Variants in NMNAT2 observed in about 807,000 individuals in gnomAD.
NMNAT2 encodes the protein nicotinamide/nicotinic acid mononucleotide adenylyltransferase 2.
A neutral mutation model predicts 41.6 loss-of-function variants in NMNAT2; 11 were observed. The observed-to-expected ratio is 0.26, with a 90% confidence interval of 0.17 to 0.44. The LOEUF is 0.44. Among genes scored for constraint, NMNAT2 ranks in the 20% least tolerant of loss-of-function variants. The probability of loss-of-function intolerance (pLI) is 1.00; values close to 1 mark genes in which losing one functional copy is unlikely to be tolerated. For synonymous variants in NMNAT2, 148 were observed against 151.2 expected (o/e 0.98, Z 0.16); for missense variants, 288 against 407.7 (o/e 0.71, Z 2.53).
intron 1 of NMNAT2, among the ~76,000 whole-genome samples, chr1:183,340,868 G>T (rs986203291): frequency 1.3e-5 from 2 of 152,140 alleles, no homozygotes; most frequent in Non-Finnish European, 1.5e-5. Flanking sequence ...CTAACAACCT[G>T]GATTTATACG....
At chr1:183,357,030 A>C (rs1663207015) in intron 1 of NMNAT2, among the ~76,000 whole-genome samples, 2 of 152,158 alleles carry the variant, frequency 1.3e-5, no homozygotes, top group Admixed American at 1.3e-4. Context: ...ATAATATAAA[A>C]ATGAATAAGA....
chr1:183,262,349 A>C (rs963972435), intron 8 of NMNAT2, among the ~76,000 whole-genome samples: 1 of 151,942 alleles, frequency 6.6e-6, no homozygotes, highest in Non-Finnish European at 1.5e-5. Context: ...TACAATCCAG[A>C]TAGTGACTGT....
chr1:183,281,697 G>T (rs557884439), intron 7 of NMNAT2, among the ~76,000 whole-genome samples: 5 of 152,190 alleles, frequency 3.3e-5, no homozygotes, highest in Admixed American at 6.5e-5. Context: ...TGAGGCTAAG[G>T]CAAGTTTCCA....
intron 1 of NMNAT2, among the ~76,000 whole-genome samples, chr1:183,302,577 T>C (rs1442730714): frequency 6.6e-6 from 1 of 152,134 alleles, no homozygotes; most frequent in African/African-American, 2.4e-5. Flanking sequence ...GAGCACACTT[T>C]TCAAATGCAA....
chr1:183,349,542 G>A (rs1663000120), intron 1 of NMNAT2, among the ~76,000 whole-genome samples: 1 of 152,264 alleles, frequency 6.6e-6, no homozygotes, highest in Non-Finnish European at 1.5e-5. Context: ...GCATTTTACA[G>A]TCTGTTTAAC....
At chr1:183,268,170 C>A (rs955935159) in intron 8 of NMNAT2, among the ~76,000 whole-genome samples, 1 of 151,990 alleles carries the variant, frequency 6.6e-6, no homozygotes, top group African/African-American at 2.4e-5. Context: ...AGCAACTTGG[C>A]CTTGGAAGAG....
intron 1 of NMNAT2, among the ~76,000 whole-genome samples, chr1:183,371,390 T>C (rs957102703): frequency 9.9e-5 from 15 of 152,086 alleles, no homozygotes; most frequent in African/African-American, 3.4e-4. Flanking sequence ...ACTGTGGAGG[T>C]GGTTACATGT....
intron 1 of NMNAT2, among the ~76,000 whole-genome samples, chr1:183,388,389 G>C (rs1020543850): frequency 3.9e-5 from 6 of 152,196 alleles, no homozygotes; most frequent in Admixed American, 3.3e-4. Flanking sequence ...GCCAATTTCA[G>C]GGTCCTAAAG....
intron 1 of NMNAT2, among the ~76,000 whole-genome samples, chr1:183,363,620 G>A (rs1663354736): frequency 6.6e-6 from 1 of 150,670 alleles, no homozygotes; most frequent in East Asian, 2.0e-4. Flanking sequence ...CCTCCACTCA[G>A]CATAAGATCA....
At chr1:183,377,334 T>C (rs1421940699) in intron 1 of NMNAT2, among the ~76,000 whole-genome samples, 1 of 151,952 alleles carries the variant, frequency 6.6e-6, no homozygotes, top group Non-Finnish European at 1.5e-5. Context: ...CTCCATGCTG[T>C]CAAGCATCAA....
chr1:183,374,952 C>T (rs1375148815), intron 1 of NMNAT2, among the ~76,000 whole-genome samples: 2 of 152,180 alleles, frequency 1.3e-5, no homozygotes, highest in Non-Finnish European at 2.9e-5. Context: ...TGTGTCTAAA[C>T]ATGGTCTGCA....
intron 1 of NMNAT2, among the ~76,000 whole-genome samples, chr1:183,304,053 T>G (rs1440382237): frequency 6.6e-6 from 1 of 152,154 alleles, no homozygotes; most frequent in Non-Finnish European, 1.5e-5. Flanking sequence ...CACTATGGAG[T>G]CAGCATCTTC....
At chr1:183,300,738 G>A (rs145568661) in intron 1 of NMNAT2, among the ~76,000 whole-genome samples, 3 of 152,346 alleles carry the variant, frequency 2.0e-5, no homozygotes, top group African/African-American at 7.2e-5. Context: ...GCAATTTTAA[G>A]GTGGTGGTGT....
intron 1 of NMNAT2, among the ~76,000 whole-genome samples, chr1:183,417,057 AC>A (rs1649275458): frequency 6.6e-6 from 1 of 151,984 alleles, no homozygotes; most frequent in Non-Finnish European, 1.5e-5. Context: ...AAGAAAAAGC[AC>A]CCCCAACTTC....
At position 183,389,871 on chromosome 1, in the gene NMNAT2, A is replaced by G. The variant is rs866101330; in HGVS notation, c.85+28312T>C. ...AAAAAAGAGAAAGAAAGAAAGAAAG[A>G]AGGGAGGGAGGGAGGGAGGGAGGGA... On this transcript the variant is annotated intron_variant, in intron 1 of 10. Coordinates refer to ENST00000287713, the MANE Select transcript of NMNAT2 (RefSeq NM_015039.4). 7.7e-3 allele frequency among the ~76,000 whole-genome samples: 365 copies of G among 47,290 alleles called. 68 individuals are homozygous for G. The highest frequency in any genetic ancestry group is 0.029 in the East Asian group (19 of 656). 31.0% of individuals were successfully genotyped at this position (47,290 alleles called of 152,430 possible). A position where few individuals can be genotyped will look rare whatever the true frequency, so the allele number is the denominator to read the frequency against.
chr1:183,326,692 T>A (rs1314140557), intron 1 of NMNAT2, among the ~76,000 whole-genome samples: 2 of 152,136 alleles, frequency 1.3e-5, no homozygotes, highest in Non-Finnish European at 2.9e-5. Flanking sequence ...GAGAGTGACA[T>A]GATCTTACTC....
At chr1:183,339,148 A>G (rs559729871) in intron 1 of NMNAT2, among the ~76,000 whole-genome samples, 140 of 152,126 alleles carry the variant, frequency 9.2e-4, no homozygotes, top group Non-Finnish European at 1.7e-3. Context: ...CCCAGGCTGG[A>G]GTGCAGTGGT....
At chr1:183,370,017 A>G (rs1663497421) in intron 1 of NMNAT2, among the ~76,000 whole-genome samples, 1 of 152,064 alleles carries the variant, frequency 6.6e-6, no homozygotes, top group African/African-American at 2.4e-5. Context: ...GCTAAAGAGA[A>G]CAGAGGACCC....
intron 1 of NMNAT2, among the ~76,000 whole-genome samples, chr1:183,390,963 A>C (rs142137117): frequency 0.015 from 2,251 of 152,300 alleles, 27 homozygotes; most frequent in Middle Eastern, 0.024. Flanking sequence ...CCTAAAAATT[A>C]ACACAAGTTT....
Sources: gnomAD v4.1 joint callset for allele counts (sites outside exome capture counted in the v4.1 genomes callset) on GRCh38, gnomAD v4.1.1 for gene constraint, MANE v1.5 for transcripts, NCBI Gene and HGNC (gene_info 2026-07-23, HGNC 2026-07-21) for gene names.